The following RBFOX1 variants were observed in gnomAD, a reference collection of about 807,000 sequenced individuals.
RBFOX1 encodes the protein RNA binding fox-1 homolog 1, also known as RNA binding protein fox-1 homolog 1.
A neutral mutation model predicts 57.7 loss-of-function variants in RBFOX1; 8 were observed. The observed-to-expected ratio is 0.14, with a 90% CI of 0.08 to 0.25. The LOEUF (loss-of-function observed/expected upper bound fraction) is 0.25. Among genes scored for constraint, RBFOX1 ranks in the 10% least tolerant of loss-of-function variants. RBFOX1 has a pLI of 1.00. For synonymous variants in RBFOX1, 326 were observed against 222.4 expected, an observed-to-expected ratio of 1.47 and a Z score of -4.15; for missense variants, 611 against 548.5, an observed-to-expected ratio of 1.11 and a Z score of -1.14.
intron 4 of RBFOX1, among the ~76,000 whole-genome samples, chr16:7,184,361 A>G (rs1224790772): frequency 6.6e-6 from 1 of 152,244 alleles, no homozygotes; most frequent in Non-Finnish European, 1.5e-5. Context: ...AGAAAAAAAC[A>G]GATGCAAGTG....
chr16:5,257,839 AT>A (rs1293606259), intron 1 of RBFOX1, among the ~76,000 whole-genome samples: 2 of 151,726 alleles, frequency 1.3e-5, no homozygotes, highest in Non-Finnish European at 2.9e-5. Context: ...CAAAAAAATC[AT>A]TTTTTTGGGG....
intron 3 of RBFOX1, among the ~76,000 whole-genome samples, chr16:5,641,294 G>A (rs1367433997): frequency 1.3e-5 from 2 of 152,236 alleles, no homozygotes; most frequent in Non-Finnish European, 2.9e-5. Flanking sequence ...TGAGAATACA[G>A]TGGAAGGGAA....
At chr16:7,335,794 A>G (rs2096775873) in intron 4 of RBFOX1, among the ~76,000 whole-genome samples, 1 of 152,116 alleles carries the variant, frequency 6.6e-6, no homozygotes, top group South Asian at 2.1e-4. Flanking sequence ...GAAAATCAGA[A>G]TCTTTATCAT....
At chr16:7,477,329 G>A (rs963483441) in intron 4 of RBFOX1, among the ~76,000 whole-genome samples, 3 of 152,106 alleles carry the variant, frequency 2.0e-5, no homozygotes, top group East Asian at 1.9e-4. Flanking sequence ...ATTTCAGTTT[G>A]TATCTCCAAA....
intron 10 of RBFOX1, among the ~76,000 whole-genome samples, chr16:7,611,183 G>C (rs1395222424): frequency 6.6e-6 from 1 of 152,166 alleles, no homozygotes; most frequent in African/African-American, 2.4e-5. Context: ...GGCATGAAAA[G>C]TTCACATATT....
chr16:5,917,464 A>G (rs894325862), intron 4 of RBFOX1, among the ~76,000 whole-genome samples: 1 of 152,204 alleles, frequency 6.6e-6, no homozygotes, highest in Non-Finnish European at 1.5e-5. Flanking sequence ...AATTTTCTCA[A>G]GATAATCTGT....
intron 3 of RBFOX1, among the ~76,000 whole-genome samples, chr16:7,030,351 G>C (rs1174056579): frequency 1.3e-5 from 2 of 152,148 alleles, no homozygotes; most frequent in East Asian, 3.9e-4. Context: ...ATTGCCATAA[G>C]TTAACGCCAA....
chr16:5,985,399 G>A (rs6500736), intron 4 of RBFOX1, among the ~76,000 whole-genome samples: 120,792 of 151,972 alleles, frequency 0.79, 48,401 homozygotes, highest in East Asian at 0.93. Flanking sequence ...TCTCTCCACA[G>A]TCCTGTAAGG....
intron 4 of RBFOX1, among the ~76,000 whole-genome samples, chr16:7,190,524 T>C (rs2152622065): frequency 6.6e-6 from 1 of 152,146 alleles, no homozygotes; most frequent in South Asian, 2.1e-4. Flanking sequence ...GATACTCTGA[T>C]CTCTATCTGA....
chr16:5,628,989 G>C (rs545177304), intron 3 of RBFOX1, among the ~76,000 whole-genome samples: 6 of 152,202 alleles, frequency 3.9e-5, no homozygotes, highest in Admixed American at 3.9e-4. Flanking sequence ...TAAACTGTGA[G>C]TGCGATTAAA....
intron 4 of RBFOX1, among the ~76,000 whole-genome samples, chr16:7,315,877 C>G (rs770448986): frequency 1.3e-5 from 2 of 152,114 alleles, no homozygotes; most frequent in African/African-American, 2.4e-5. Context: ...CTATTGTTTA[C>G]TTGGTTTACA....
At chr16:7,064,016 G>A (rs1027213282) in intron 4 of RBFOX1, among the ~76,000 whole-genome samples, 2 of 152,184 alleles carry the variant, frequency 1.3e-5, no homozygotes, top group African/African-American at 2.4e-5. Context: ...TATGGGCTGA[G>A]TTGTGTCCTG....
At chr16:6,912,888 G>A (rs564095471) in intron 3 of RBFOX1, among the ~76,000 whole-genome samples, 9 of 152,170 alleles carry the variant, frequency 5.9e-5, no homozygotes, top group Non-Finnish European at 1.2e-4. Flanking sequence ...CCAAAGTGCT[G>A]GGATTACAGG....
At chr16:5,914,775 G>T (rs1252355050) in intron 4 of RBFOX1, among the ~76,000 whole-genome samples, 1 of 152,014 alleles carries the variant, frequency 6.6e-6, no homozygotes, top group African/African-American at 2.4e-5. Context: ...GGCGCCTGTA[G>T]TCCCAGCTAC....
chr16:5,808,933 G>T (rs4398110), intron 3 of RBFOX1, among the ~76,000 whole-genome samples: 1 of 151,912 alleles, frequency 6.6e-6, no homozygotes, highest in African/African-American at 2.4e-5. Context: ...CCTAATTTCC[G>T]TGGCCACAAC....
intron 1 of RBFOX1, among the ~76,000 whole-genome samples, chr16:5,323,409 A>G (rs760212933): frequency 1.3e-5 from 2 of 152,202 alleles, no homozygotes; most frequent in Non-Finnish European, 2.9e-5. Flanking sequence ...CGCAGTTCGA[A>G]AAACTCTGCT....
intron 2 of RBFOX1, among the ~76,000 whole-genome samples, chr16:6,652,936 C>G (rs991000609): frequency 6.6e-6 from 1 of 152,152 alleles, no homozygotes; most frequent in African/African-American, 2.4e-5. Context: ...GGTAATAAAA[C>G]TCTGAGTGGT....
chr16:6,780,440 A>G (rs1397142512), intron 3 of RBFOX1, among the ~76,000 whole-genome samples: 1 of 118,906 alleles, frequency 8.4e-6, no homozygotes. Flanking sequence ...TTATAGATAT[A>G]TTTATATATA....
In RBFOX1 at chr16:6,850,326, G is replaced by A. The variant is rs111515255; in HGVS notation, c.-16+195676G>A. Among the ~76,000 whole-genome samples, 890 of 152,234 alleles carry A rather than the reference G, an allele frequency of 5.8e-3. 8 individuals carry two copies. The highest frequency in any genetic ancestry group is 0.01 in the Middle Eastern group (3 of 294). On this transcript the variant is annotated intron_variant, in intron 3 of 15. Coordinates refer to ENST00000550418, the MANE Select transcript of RBFOX1 (RefSeq NM_018723.4). ...CAGGTACGATGAAAGAATAAACTAC[G>A]TTGTTCTACAAAATAAAATTAAGGT...
Sources: allele counts gnomAD v4.1 joint callset (sites outside exome capture counted in the v4.1 genomes callset), GRCh38; gene constraint gnomAD v4.1.1; transcripts MANE v1.5; gene names NCBI Gene and HGNC (gene_info 2026-07-23, HGNC 2026-07-21).